TMTC2: variants seen among roughly 807,000 people sequenced by gnomAD.
The protein encoded by TMTC2 is transmembrane O-mannosyltransferase targeting cadherins 2.
TMTC2 carries 43 observed loss-of-function variants against 82.4 expected under a neutral mutation model. That is an observed-to-expected ratio of 0.52 (90% CI 0.41 to 0.67). The LOEUF is 0.67. TMTC2 is among the 30% of genes least tolerant of loss of function. TMTC2 has a pLI of 0.00. For synonymous variants in TMTC2, 408 were observed against 381.9 expected (o/e 1.07, Z -0.80); for missense variants, 919 against 1,012.4 (o/e 0.91, Z 1.25).
chr12:83,100,966 T>A (rs560767082), intron 11 of TMTC2, among the ~76,000 whole-genome samples: 11 of 152,346 alleles, frequency 7.2e-5, no homozygotes, highest in Admixed American at 2.0e-4. Context: ...AGTAGCATTC[T>A]AGTTCATGTT....
intron 9 of TMTC2, among the ~76,000 whole-genome samples, chr12:83,034,525 G>A (rs534520482): frequency 1.3e-5 from 2 of 152,330 alleles, no homozygotes; most frequent in Admixed American, 1.3e-4. Flanking sequence ...ACCATGTGGA[G>A]AAGACAGGAC....
intron 1 of TMTC2, among the ~76,000 whole-genome samples, chr12:82,712,429 CAAAAAAAAA>C (rs58906003): frequency 1.4e-5 from 1 of 71,718 alleles, no homozygotes; most frequent in Non-Finnish European, 2.8e-5. Flanking sequence ...AACTCCGTCT[CAAAAAAAAA>C]AAAAAAAAAA....
At chr12:82,751,340 G>A (rs2136966155) in intron 1 of TMTC2, among the ~76,000 whole-genome samples, 1 of 150,778 alleles carries the variant, frequency 6.6e-6, no homozygotes, top group East Asian at 2.0e-4. Flanking sequence ...TGAACAATGA[G>A]AAGACATGGA....
chr12:82,905,592 C>T (rs1292820952), intron 3 of TMTC2, among the ~76,000 whole-genome samples: 2 of 152,070 alleles, frequency 1.3e-5, no homozygotes, highest in Non-Finnish European at 2.9e-5. Context: ...GGTGATTATC[C>T]TAGCAGTCTG....
At chr12:82,901,453 C>T (rs1000964589) in intron 3 of TMTC2, among the ~76,000 whole-genome samples, 2 of 151,122 alleles carry the variant, frequency 1.3e-5, no homozygotes, top group Admixed American at 6.6e-5. Flanking sequence ...TACAGGCATG[C>T]ACCACCAAGC....
chr12:83,071,403 C>T (rs375108328), intron 11 of TMTC2, among the ~76,000 whole-genome samples: 14 of 152,060 alleles, frequency 9.2e-5, no homozygotes, highest in Admixed American at 3.3e-4. Context: ...GTGATCCACC[C>T]GCCTTGGCCT....
intron 1 of TMTC2, among the ~76,000 whole-genome samples, chr12:82,812,076 C>G (rs1020202468): frequency 1.2e-4 from 18 of 152,002 alleles, no homozygotes; most frequent in African/African-American, 4.1e-4. Flanking sequence ...CCTCGGCCTC[C>G]CAAGGTGCTG....
At chr12:82,837,463 G>C (rs75794525) in intron 1 of TMTC2, among the ~76,000 whole-genome samples, 3,570 of 152,156 alleles carry the variant, frequency 0.023, 140 homozygotes, top group African/African-American at 0.082. Flanking sequence ...CAAAAAAAAG[G>C]TTACGATGAT....
intron 3 of TMTC2, among the ~76,000 whole-genome samples, chr12:82,929,554 A>G (rs923640007): frequency 5.3e-5 from 8 of 152,074 alleles, no homozygotes; most frequent in South Asian, 2.1e-4. Flanking sequence ...AAACCCTTTC[A>G]TTTTTCAGGT....
rs758661382 is a variant in TMTC2, at chr12:82,895,951, C to T, written c.788C>T (p.Ser263Leu). Residue 263 changes from serine (S) to leucine (L), a missense_variant, in exon 3 of 12, where the codon TCG (serine) becomes TTG (leucine). Coordinates refer to ENST00000321196, the MANE Select transcript of TMTC2 (RefSeq NM_152588.3). ...AACTCGGACAACCCCGCTGCTGATT[C>T]GGACAGCCTCCTCACCCGCACTCTC... The part of the protein sequence containing the change: ...FSNSDNPAAD[S>L]DSLLTRTLTF... The T allele has an allele frequency of 8.7e-6, 14 of 1,613,770 alleles. No homozygotes were observed. Among genetic ancestry groups the T allele is most frequent in the Admixed American group, 5.0e-5 (3 of 59,958 alleles).
chr12:82,829,345 T>C (rs922562170), intron 1 of TMTC2, among the ~76,000 whole-genome samples: 1 of 152,228 alleles, frequency 6.6e-6, no homozygotes, highest in African/African-American at 2.4e-5. Flanking sequence ...TCCTTACCTC[T>C]CTATAATTTT....
chr12:82,873,363 G>C (rs1052498118), intron 2 of TMTC2, among the ~76,000 whole-genome samples: 8 of 147,678 alleles, frequency 5.4e-5, no homozygotes, highest in African/African-American at 2.1e-4. Context: ...TGTGCCTTTA[G>C]TCTGCTTAGC....
intron 10 of TMTC2, 35 bp from the exon 11 acceptor site, chr12:83,061,733 T>C: frequency 2.0e-6 from 3 of 1,521,356 alleles, no homozygotes; most frequent in African/African-American, 1.4e-5. Flanking sequence ...TTCTAAAATA[T>C]ATGATATAGT....
intron 10 of TMTC2, among the ~76,000 whole-genome samples, chr12:83,059,422 A>T (rs1882659488): frequency 6.6e-6 from 1 of 151,810 alleles, no homozygotes; most frequent in Non-Finnish European, 1.5e-5. Flanking sequence ...CAACTGACGT[A>T]TTCTTTTCCC....
intron 11 of TMTC2, among the ~76,000 whole-genome samples, chr12:83,075,438 G>A (rs1883255747): frequency 6.6e-6 from 1 of 152,282 alleles, no homozygotes; most frequent in South Asian, 2.1e-4. Flanking sequence ...AGCAAATGAT[G>A]TGAGGTAAAT....
intron 8 of TMTC2, among the ~76,000 whole-genome samples, chr12:83,013,950 C>CA (rs1303244057): frequency 3.9e-5 from 6 of 152,048 alleles, no homozygotes; most frequent in South Asian, 2.1e-4. Flanking sequence ...CCAGTTTGAT[C>CA]AAAAAAGCCC....
chr12:82,879,943 T>C (rs1872746008), intron 2 of TMTC2, among the ~76,000 whole-genome samples: 1 of 152,214 alleles, frequency 6.6e-6, no homozygotes, highest in Non-Finnish European at 1.5e-5. Flanking sequence ...GGACTTCATC[T>C]GGGAGGAATA....
chr12:83,071,721 A>T (rs1883121982), intron 11 of TMTC2, among the ~76,000 whole-genome samples: 1 of 151,926 alleles, frequency 6.6e-6, no homozygotes, highest in South Asian at 2.1e-4. Flanking sequence ...ATTCTTCCTG[A>T]TTTAAGCTAG....
At chr12:82,876,263 A>T (rs1302153678) in intron 2 of TMTC2, among the ~76,000 whole-genome samples, 2 of 150,350 alleles carry the variant, frequency 1.3e-5, no homozygotes, top group South Asian at 2.1e-4. Flanking sequence ...TGTTGATGGG[A>T]TGGTAGTGTG....
Sources: allele counts gnomAD v4.1 joint callset (sites outside exome capture counted in the v4.1 genomes callset), GRCh38; gene constraint gnomAD v4.1.1; transcripts MANE v1.5; gene names NCBI Gene and HGNC (gene_info 2026-07-23, HGNC 2026-07-21).